SCN10A: variants seen among roughly 807,000 people sequenced by gnomAD.
The protein encoded by SCN10A is sodium voltage-gated channel alpha subunit 10.
In SCN10A, 162 loss-of-function variants were observed where a neutral mutation model predicts 170.7. The observed-to-expected ratio is 0.95, with a 90% confidence interval of 0.84 to 1.08. SCN10A has a LOEUF of 1.08. Among genes scored for constraint, SCN10A ranks in the 50% least tolerant of loss-of-function variants. The pLI is 0.00. For synonymous variants in SCN10A, 985 were observed against 904.6 expected (o/e 1.09, Z -1.59); for missense variants, 2,527 against 2,436.9 (o/e 1.04, Z -0.78).
chr3:38,809,220 T>C (rs1471329244), intron 1 of SCN10A, among the ~76,000 whole-genome samples: 1 of 152,222 alleles, frequency 6.6e-6, no homozygotes, highest in Non-Finnish European at 1.5e-5. Flanking sequence ...CTCCCAAATG[T>C]GATTGGTCTG....
In SCN10A at chr3:38,734,573, C is replaced by A. The variant is rs115461401; in HGVS notation, c.2280+4942G>T. 3.6e-3 allele frequency among the ~76,000 whole-genome samples: 543 copies of A among 152,212 alleles called. 4 individuals are homozygous for A. Among genetic ancestry groups the A allele is most frequent in the African/African-American group, 0.012 (509 of 41,526 alleles). ...CAATTAATATAATTCACCACTTTAACAGATTGAAGGAGAAAATACATGATT... is the reference window on the plus strand; with the variant it reads ...CAATTAATATAATTCACCACTTTAAAAGATTGAAGGAGAAAATACATGATT... On this transcript the variant is annotated intron_variant, in intron 15 of 27. Transcript: ENST00000449082.
Position 38,752,308 on chromosome 3 carries a change from G to A in SCN10A, c.1666C>T (p.Gln556Ter). The change falls in exon 12 of 28, where the codon CAA (glutamine) becomes TAA (stop). Residue 556 changes from glutamine (Q) to a stop codon, truncating the protein, a stop_gained. Transcript: ENST00000449082. LOFTEE classifies it high-confidence loss of function. ...QGPLPRSPLP[Q>*]PSNPDSRHGE... The stretch of plus-strand genomic sequence containing the variant: ...TGCCTGGAGTCAGGGTTGCTGGGTT[G>A]AGGAAGAGGGCTTCTAGGGAGGGGG... 3.7e-6 allele frequency: 6 copies of A among 1,610,634 alleles called. No individual in the cohort carries two copies. The highest frequency in any genetic ancestry group is 5.1e-6 in the Non-Finnish European group (6 of 1,178,456).
chr3:38,746,100 T>TATCTCTAG, intron 13 of SCN10A, among the ~76,000 whole-genome samples: 1 of 99,834 alleles, frequency 1.0e-5, no homozygotes, highest in East Asian at 3.5e-4. Flanking sequence ...TATATATATA[T>TATCTCTAG]GCCATCTTTG....
In SCN10A at chr3:38,697,626, T is replaced by G. The variant is rs377518708; in HGVS notation, c.5594A>C (p.Tyr1865Ser). 6 of 1,614,050 alleles carry G rather than the reference T, an allele frequency of 3.7e-6. No individual in the cohort carries two copies. The highest frequency in any genetic ancestry group is 5.1e-6 in the Non-Finnish European group (6 of 1,180,008). Residue 1865 changes from tyrosine (Y) to serine (S), a missense_variant, in exon 28 of 28, where the codon TAT (tyrosine) becomes TCT (serine). Physicochemically the swap from Tyr to Ser is moderately radical, Grantham distance 144 (BLOSUM62 -2). Transcript: ENST00000449082. ...ATVIQKAYRS[Y>S]VLHRSMALSN... Reference sequence around the variant, plus strand: ...GAGTGCCATGGAGCGGTGCAGCACATAGCTCCGATAGGCCTTTTGAATGAC... The same window carrying G: ...GAGTGCCATGGAGCGGTGCAGCACAGAGCTCCGATAGGCCTTTTGAATGAC...
chr3:38,740,023 G>A (rs952445247), intron 14 of SCN10A, among the ~76,000 whole-genome samples: 1 of 152,180 alleles, frequency 6.6e-6, no homozygotes, highest in Non-Finnish European at 1.5e-5. Flanking sequence ...AAACGTGTGG[G>A]TTGTGGGACA....
chr3:38,813,668 C>A (rs2126067482), intron 1 of SCN10A, among the ~76,000 whole-genome samples: 1 of 152,226 alleles, frequency 6.6e-6, no homozygotes, highest in East Asian at 1.9e-4. Flanking sequence ...TGAACTAGTT[C>A]ATAAAACATG....
At position 38,750,198 on chromosome 3, in the gene SCN10A, A is replaced by G. The variant is rs974063012; in HGVS notation, c.1756-14T>C. 2.0e-6 allele frequency: 3 copies of G among 1,533,150 alleles called. No individual in the cohort carries two copies. Among genetic ancestry groups the G allele is most frequent in the Non-Finnish European group, 2.7e-6 (3 of 1,107,662 alleles). The allele number at this position is 1,533,150 out of a possible 1,614,324, so 95.0% of individuals were successfully genotyped here. The stretch of plus-strand genomic sequence containing the variant: ...TGCATCGAATGCCTGTTGAGACACA[A>G]ACAGAGTCAGGACGCTCCTTTAACC... On this transcript the variant is annotated splice_polypyrimidine_tract_variant and intron_variant, in intron 12 of 27. Coordinates refer to ENST00000449082, the MANE Select transcript of SCN10A (RefSeq NM_006514.4).
Position 38,698,519 on chromosome 3 carries a change from G to C in SCN10A, c.4701C>G (p.Phe1567Leu). 6.2e-7 allele frequency: 1 copy of C among 1,613,940 alleles called. No homozygotes were observed. The highest frequency in any genetic ancestry group is 8.5e-7 in the Non-Finnish European group (1 of 1,179,842). ...GGATGACTCTGAAGAGCGTTGGGGA[G>C]AAGTAACTTTGAAGTGACTTAAGAA... ...SAILKSLQSY[F>L]SPTLFRVIRL... Residue 1567 changes from phenylalanine to leucine, a missense_variant, in exon 28 of 28, where the codon TTC becomes TTG. Coordinates refer to ENST00000449082, the MANE Select transcript of SCN10A (RefSeq NM_006514.4).
chr3:38,727,844 G>A (rs1213062157), intron 16 of SCN10A, among the ~76,000 whole-genome samples: 1 of 152,138 alleles, frequency 6.6e-6, no homozygotes, highest in Admixed American at 6.5e-5. Context: ...TGAGGGCAGG[G>A]GGCCAGGCTG....
rs763814663 is a variant in SCN10A, at chr3:38,756,696, T to A, written c.1268A>T (p.Glu423Val). ...AKEKKFQEAL[E>V]MLRKEQEVLA... ...AACCTCCTGCTCCTTCCGGAGCATC[T>A]CGAGGGCCTCCTGGAACTTCTTCTC... Residue 423 changes from glutamate to valine, a missense_variant, in exon 10 of 28, where the codon GAG (glutamate) becomes GTG (valine). By Grantham distance (121) the Glu-to-Val change is moderately radical (BLOSUM62 -2). Transcript: ENST00000449082. 3 of 1,613,904 alleles carry A rather than the reference T, an allele frequency of 1.9e-6. No homozygotes were observed. The highest frequency in any genetic ancestry group is 1.1e-5 in the South Asian group (1 of 91,084).
chr3:38,798,728 G>A (rs907759651), intron 1 of SCN10A, among the ~76,000 whole-genome samples: 5 of 151,102 alleles, frequency 3.3e-5, no homozygotes, highest in South Asian at 2.1e-4. Flanking sequence ...CTTTCTATTC[G>A]GTGGGCATTC....
chr3:38,813,321 G>C (rs1304038071), intron 1 of SCN10A, among the ~76,000 whole-genome samples: 1 of 152,164 alleles, frequency 6.6e-6, no homozygotes, highest in African/African-American at 2.4e-5. Context: ...CACATTGTGG[G>C]CAGGGGAGTG....
rs970495426 is a variant in SCN10A, at chr3:38,760,377, C to A, written c.950+304G>T. 2.0e-5 allele frequency among the ~76,000 whole-genome samples: 3 copies of A among 152,226 alleles called. No homozygotes were observed. In the South Asian group the frequency reaches 6.2e-4, roughly 32 times the overall value. On this transcript the variant is annotated intron_variant, in intron 8 of 27. Transcript: ENST00000449082. ...CAAGTTAATATGCTGTCTGCATATG[C>A]ATGAATGAGCCTAGTCAATGTCACC...
chr3:38,746,040 CAT>C (rs144763796), intron 13 of SCN10A, among the ~76,000 whole-genome samples: 2 of 78,638 alleles, frequency 2.5e-5, no homozygotes, highest in African/African-American at 3.7e-5. Context: ...TATATATATA[CAT>C]ATATATATGT....
chr3:38,775,440 T>C lies in SCN10A; in HGVS notation c.471-4033A>G, dbSNP rs150794611. On this transcript the variant is annotated intron_variant, in intron 4 of 27. Coordinates refer to ENST00000449082, the MANE Select transcript of SCN10A (RefSeq NM_006514.4). ...TTTAAAACTGAATGATATTCAATTG[T>C]TTACATATATACTACATTTTTTATC... Among the ~76,000 whole-genome samples the C allele has an allele frequency of 4.4e-3, 676 of 152,328 alleles. 7 individuals are homozygous for C. The highest frequency in any genetic ancestry group is 0.016 in the African/African-American group (646 of 41,572).
At chr3:38,724,193 C>G (rs190298288) in intron 18 of SCN10A, among the ~76,000 whole-genome samples, 2 of 152,176 alleles carry the variant, frequency 1.3e-5, no homozygotes, top group Non-Finnish European at 2.9e-5. Context: ...CCCCAAATCC[C>G]GTCCCAGCCC....
At chr3:38,724,925 A>C (rs1182451689) in intron 18 of SCN10A, among the ~76,000 whole-genome samples, 2 of 152,016 alleles carry the variant, frequency 1.3e-5, no homozygotes, top group African/African-American at 4.8e-5. Flanking sequence ...GTGGAGTCTC[A>C]CTCTTTCTTT....
chr3:38,760,079 C>T lies in SCN10A; in HGVS notation c.950+602G>A, dbSNP rs143185270. On this transcript the variant is annotated intron_variant, in intron 8 of 27. Coordinates refer to ENST00000449082, the MANE Select transcript of SCN10A (RefSeq NM_006514.4). Reference sequence around the variant, plus strand: ...AATTCTTGTCTCTATGTATCCACACCCTTTCCAATGTGACTTTTCAGCTCT... The same window carrying T: ...AATTCTTGTCTCTATGTATCCACACTCTTTCCAATGTGACTTTTCAGCTCT... Among the ~76,000 whole-genome samples the T allele has an allele frequency of 1.4e-3, 208 of 152,278 alleles. 2 individuals are homozygous for T. The East Asian group carries it at 0.032, about 24-fold the overall frequency.
chr3:38,781,742 A>G (rs973035745), intron 4 of SCN10A, among the ~76,000 whole-genome samples: 4 of 152,114 alleles, frequency 2.6e-5, no homozygotes, highest in African/African-American at 9.7e-5. Context: ...ATTAATAAAG[A>G]TGTGTTTGAG....
Sources: allele counts gnomAD v4.1 joint callset (sites outside exome capture counted in the v4.1 genomes callset), GRCh38; gene constraint gnomAD v4.1.1; transcripts MANE v1.5; gene names NCBI Gene and HGNC (gene_info 2026-07-23, HGNC 2026-07-21).